Variants in UCHL3 observed in about 807,000 individuals in gnomAD.
The protein encoded by UCHL3 is ubiquitin carboxyl-terminal hydrolase isozyme L3.
A neutral mutation model predicts 35.8 loss-of-function variants in UCHL3; 22 were observed. The ratio of observed to expected loss-of-function variants is 0.61; its 90% CI spans 0.44 to 0.88. The LOEUF (loss-of-function observed/expected upper bound fraction) is 0.88, where lower values mean the gene tolerates loss of function less well. UCHL3 is among the 40% of genes least tolerant of loss of function. The pLI, the probability that UCHL3 is intolerant of heterozygous loss-of-function variation, is 0.00. For synonymous variants in UCHL3, 90 were observed against 92.8 expected (o/e 0.97, Z 0.17); for missense variants, 229 against 276.9 (o/e 0.83, Z 1.23).
chr13:75,594,812 G>A, intron 6 of UCHL3, 103 bp from the exon 7 acceptor site: 2 of 840,266 alleles, frequency 2.4e-6, no homozygotes, highest in Non-Finnish European at 3.7e-6. Context: ...TTGGATAAAT[G>A]TTCTCTTATA....
Position 75,559,976 on chromosome 13 carries a change from T to TA in UCHL3, c.55-769dup, listed in dbSNP as rs887784639. On this transcript the variant is annotated intron_variant, in intron 2 of 8. Coordinates refer to ENST00000377595, the MANE Select transcript of UCHL3 (RefSeq NM_006002.5). ...TTTTCCTGTGACATCTTAAGAATTG[T>TA]AAAAAAAACACTAATTTTTTGTTAC... is the stretch of plus-strand genomic sequence containing the variant. 1.2e-4 allele frequency among the ~76,000 whole-genome samples: 18 copies of TA among 152,084 alleles called. No homozygotes were observed. In the East Asian group the frequency reaches 2.3e-3, roughly 20 times the overall value.
At chr13:75,579,962 G>C (rs117431302) in intron 6 of UCHL3, among the ~76,000 whole-genome samples, 4,470 of 152,190 alleles carry the variant, frequency 0.029, 119 homozygotes, top group Middle Eastern at 0.12. Flanking sequence ...GTAACATTTA[G>C]ATGTACAGGT....
At position 75,590,280 on chromosome 13, in the gene UCHL3, A is replaced by G. The variant is rs2032447708; in HGVS notation, c.475-4635A>G. 3.1e-6 allele frequency: 3 copies of G among 971,976 alleles called. No homozygotes were observed. In the African/African-American group the frequency reaches 5.3e-5, roughly 17 times the overall value. The allele number at this position is 971,976 out of a possible 1,614,324, so 60.2% of individuals were successfully genotyped here. ...CCAATAAGATTGCAAGCATATCTCTATGCTTTGCATTCTAGCTTGACTTTT... is the reference window on the plus strand; with the variant it reads ...CCAATAAGATTGCAAGCATATCTCTGTGCTTTGCATTCTAGCTTGACTTTT... On this transcript the variant is annotated intron_variant, in intron 6 of 8. Transcript: ENST00000377595.
At chr13:75,555,293 G>C (rs565748734) in intron 2 of UCHL3, among the ~76,000 whole-genome samples, 1 of 152,262 alleles carries the variant, frequency 6.6e-6, no homozygotes, top group South Asian at 2.1e-4. Flanking sequence ...AATCTGTACT[G>C]TCATCCTCAC....
At chr13:75,550,536 T>C (rs2031053144) in intron 2 of UCHL3, among the ~76,000 whole-genome samples, 1 of 152,102 alleles carries the variant, frequency 6.6e-6, no homozygotes, top group Non-Finnish European at 1.5e-5. Context: ...TGCTGTTGTA[T>C]CAAAGAAAGC....
chr13:75,592,443 T>TAC (rs1242637038), intron 6 of UCHL3, among the ~76,000 whole-genome samples: 2,774 of 78,418 alleles, frequency 0.035, 225 homozygotes, highest in East Asian at 0.085. Context: ...TATATATATA[T>TAC]ATATATATAT....
chr13:75,593,651 T>G (rs1291494863), intron 6 of UCHL3, among the ~76,000 whole-genome samples: 1 of 152,144 alleles, frequency 6.6e-6, no homozygotes, highest in Non-Finnish European at 1.5e-5. Context: ...AATTCTGTAG[T>G]TCTAGAGTGA....
chr13:75,565,160 G>C (rs901450226), intron 3 of UCHL3, among the ~76,000 whole-genome samples: 1 of 149,420 alleles, frequency 6.7e-6, no homozygotes, highest in African/African-American at 2.5e-5. Flanking sequence ...TAGTTGCTTT[G>C]TATCATTTTA....
At chr13:75,578,499 A>C (rs999823344) in intron 6 of UCHL3, among the ~76,000 whole-genome samples, 1 of 152,168 alleles carries the variant, frequency 6.6e-6, no homozygotes, top group Non-Finnish European at 1.5e-5. Flanking sequence ...ATAATTGTAC[A>C]TACAAAGATA....
intron 6 of UCHL3, among the ~76,000 whole-genome samples, chr13:75,573,499 A>C (rs912003067): frequency 2.6e-5 from 4 of 152,190 alleles, no homozygotes; most frequent in Non-Finnish European, 5.9e-5. Flanking sequence ...CTGGAAATCC[A>C]ACAGCAAAGT....
chr13:75,578,740 A>C (rs150595473), intron 6 of UCHL3, among the ~76,000 whole-genome samples: 243 of 152,252 alleles, frequency 1.6e-3, no homozygotes, highest in Admixed American at 2.7e-3. Context: ...TATGTAATCT[A>C]TTTTGGTTAG....
At chr13:75,590,296 C>A in intron 6 of UCHL3, 1 of 961,538 alleles carries the variant, frequency 1.0e-6, no homozygotes, top group Non-Finnish European at 1.2e-6. Context: ...TGCATTCTAG[C>A]TTGACTTTTG....
chr13:75,592,743 G>A (rs1407200364), intron 6 of UCHL3, among the ~76,000 whole-genome samples: 1 of 151,596 alleles, frequency 6.6e-6, no homozygotes, highest in South Asian at 2.1e-4. Context: ...ATAGTTTGAA[G>A]GCTTTTCATA....
chr13:75,561,892 T>C (rs138664847), intron 3 of UCHL3, among the ~76,000 whole-genome samples: 2 of 151,300 alleles, frequency 1.3e-5, no homozygotes, highest in African/African-American at 4.8e-5. Flanking sequence ...TATACATATA[T>C]ACACACACAT....
chr13:75,592,108 A>C (rs1011847941), intron 6 of UCHL3, among the ~76,000 whole-genome samples: 1 of 152,022 alleles, frequency 6.6e-6, no homozygotes, highest in African/African-American at 2.4e-5. Context: ...ACAATTATAC[A>C]TTAAATTTAG....
At chr13:75,570,999 A>G (rs2031838050) in intron 6 of UCHL3, among the ~76,000 whole-genome samples, 1 of 152,186 alleles carries the variant, frequency 6.6e-6, no homozygotes, top group African/African-American at 2.4e-5. Flanking sequence ...CCATACACAG[A>G]CACATAAGAG....
At chr13:75,576,377 G>A (rs754865993) in intron 6 of UCHL3, among the ~76,000 whole-genome samples, 2 of 152,006 alleles carry the variant, frequency 1.3e-5, no homozygotes, top group Non-Finnish European at 2.9e-5. Context: ...CTACAGGCAC[G>A]TGCCACCACA....
intron 7 of UCHL3, among the ~76,000 whole-genome samples, chr13:75,596,619 T>C (rs1197035489): frequency 6.6e-6 from 1 of 152,166 alleles, no homozygotes; most frequent in Non-Finnish European, 1.5e-5. Flanking sequence ...TGATTGTGAC[T>C]TTCAGAATGA....
At position 75,566,765 on chromosome 13, in the gene UCHL3, ATTT is replaced by A; in HGVS notation, c.255_257del (p.Phe86del). Reference sequence around the variant, plus strand: ...GGACAAGATGTTACATCATCAGTATATTTCATGAAGCAAACAATCAGCAATGCC... The same window carrying A: ...GGACAAGATGTTACATCATCAGTATACATGAAGCAAACAATCAGCAATGCC... On this transcript the variant is annotated inframe_deletion, in exon 4 of 9. Coordinates refer to ENST00000377595, the MANE Select transcript of UCHL3 (RefSeq NM_006002.5). 5.0e-6 allele frequency: 8 copies of A among 1,612,046 alleles called. No homozygotes were observed. The highest frequency in any genetic ancestry group is 5.9e-6 in the Non-Finnish European group (7 of 1,179,160).
Sources: allele counts gnomAD v4.1 joint callset (sites outside exome capture counted in the v4.1 genomes callset), GRCh38; gene constraint gnomAD v4.1.1; transcripts MANE v1.5; gene names NCBI Gene and HGNC (gene_info 2026-07-23, HGNC 2026-07-21).